Variants in DRC8 observed in about 807,000 individuals in gnomAD.
The protein encoded by DRC8 is dynein regulatory complex protein 8.
At chr1:244,970,578 G>C in the DRC8 span, 1 of 1,159,650 alleles carries the variant, frequency 8.6e-7, no homozygotes, top group Non-Finnish European at 1.2e-6. Flanking sequence ...CCTGAGGAGG[G>C]GGCCACCCGG....
At chr1:245,081,744 C>T in the DRC8 span, among the ~76,000 whole-genome samples, 10 of 152,208 alleles carry the variant, frequency 6.6e-5, no homozygotes, top group African/African-American at 2.4e-4. Flanking sequence ...GCTGGGATTA[C>T]AGGCGTGAGC....
the DRC8 span, among the ~76,000 whole-genome samples, chr1:245,059,955 G>A: frequency 6.6e-6 from 1 of 152,170 alleles, no homozygotes; most frequent in African/African-American, 2.4e-5. Flanking sequence ...TGGATGAGCA[G>A]CCCACGATGA....
At chr1:244,970,227 G>A in the DRC8 span, 1 of 754,850 alleles carries the variant, frequency 1.3e-6, no homozygotes, top group Non-Finnish European at 2.3e-6. Flanking sequence ...CGCGAGGGTC[G>A]TGGCGCGAAA....
At chr1:244,988,447 A>G in the DRC8 span, among the ~76,000 whole-genome samples, 1 of 152,224 alleles carries the variant, frequency 6.6e-6, no homozygotes, top group Non-Finnish European at 1.5e-5. Context: ...ACAACTAAAA[A>G]TAAGGTAAAT....
the DRC8 span, among the ~76,000 whole-genome samples, chr1:244,975,012 G>C: frequency 6.6e-6 from 1 of 151,750 alleles, no homozygotes; most frequent in Non-Finnish European, 1.5e-5. Context: ...CTCACTGCAA[G>C]CTCTGCCTCC....
At chr1:245,027,352 G>GAGGAA in the DRC8 span, among the ~76,000 whole-genome samples, 1 of 152,048 alleles carries the variant, frequency 6.6e-6, no homozygotes, top group Non-Finnish European at 1.5e-5. Flanking sequence ...AAGGAAGAAG[G>GAGGAA]AGGAAAGGAA....
At chr1:244,973,413 A>G in the DRC8 span, among the ~76,000 whole-genome samples, 1,866 of 152,338 alleles carry the variant, frequency 0.012, 40 homozygotes, top group African/African-American at 0.043. Context: ...TGTTGTGCAG[A>G]GTGCTTGGAA....
chr1:245,003,731 A>C, the DRC8 span, among the ~76,000 whole-genome samples: 2 of 152,128 alleles, frequency 1.3e-5, no homozygotes, highest in African/African-American at 2.4e-5. Flanking sequence ...CTGGGACTAC[A>C]GGCATGTGCC....
the DRC8 span, among the ~76,000 whole-genome samples, chr1:245,098,875 G>C: frequency 1.3e-5 from 2 of 152,212 alleles, no homozygotes; most frequent in Non-Finnish European, 1.5e-5. Flanking sequence ...CCCGTGTGGC[G>C]GCTGTCGAAA....
At chr1:245,118,755 G>A in the DRC8 span, among the ~76,000 whole-genome samples, 1 of 143,946 alleles carries the variant, frequency 6.9e-6, no homozygotes. Flanking sequence ...TCGCACCACT[G>A]CACTCCAGCC....
the DRC8 span, among the ~76,000 whole-genome samples, chr1:245,111,110 G>A: frequency 6.6e-6 from 1 of 152,180 alleles, no homozygotes; most frequent in African/African-American, 2.4e-5. Flanking sequence ...AAGCATGCAT[G>A]CTTTGCTGTT....
At chr1:245,099,803 A>T in the DRC8 span, among the ~76,000 whole-genome samples, 77,349 of 147,700 alleles carry the variant, frequency 0.52, 20,966 homozygotes, top group East Asian at 0.71. Context: ...GCAGAGAGGA[A>T]TCTCCCATTT....
chr1:244,980,040 T>TGAAAAAA, the DRC8 span, among the ~76,000 whole-genome samples: 1 of 34,758 alleles, frequency 2.9e-5, no homozygotes, highest in African/African-American at 1.4e-4. Context: ...CCGTCTCTAC[T>TGAAAAAA]AAAAAAAAAA....
the DRC8 span, among the ~76,000 whole-genome samples, chr1:245,009,746 C>T: frequency 2.6e-5 from 4 of 152,186 alleles, no homozygotes; most frequent in South Asian, 4.1e-4. Context: ...GGATTACAGG[C>T]GTGAGCCACT....
the DRC8 span, among the ~76,000 whole-genome samples, chr1:245,058,622 T>C: frequency 2.0e-5 from 3 of 152,358 alleles, no homozygotes; most frequent in South Asian, 6.2e-4. Flanking sequence ...TTAATTTTGA[T>C]AATTTTGAAT....
At chr1:245,079,587 T>C in the DRC8 span, among the ~76,000 whole-genome samples, 17 of 152,310 alleles carry the variant, frequency 1.1e-4, no homozygotes, top group African/African-American at 3.8e-4. Context: ...GACGGAATTA[T>C]AGAGTTGAAC....
the DRC8 span, among the ~76,000 whole-genome samples, chr1:244,985,875 A>C: frequency 6.6e-6 from 1 of 152,092 alleles, no homozygotes. Flanking sequence ...AAAAAAAAAA[A>C]AATACATAAT....
the DRC8 span, among the ~76,000 whole-genome samples, chr1:245,051,589 G>A: frequency 2.6e-5 from 4 of 152,134 alleles, no homozygotes; most frequent in African/African-American, 9.7e-5. Flanking sequence ...GCGCGGTGAG[G>A]CATGGGGTGG....
the DRC8 span, among the ~76,000 whole-genome samples, chr1:245,111,511 T>C: frequency 6.6e-6 from 1 of 152,218 alleles, no homozygotes; most frequent in Non-Finnish European, 1.5e-5. Context: ...GACGTGAATG[T>C]CTTTGACTCA....
Sources: gnomAD v4.1 joint callset for allele counts (sites outside exome capture counted in the v4.1 genomes callset) on GRCh38, gnomAD v4.1.1 for gene constraint, MANE v1.5 for transcripts, NCBI Gene and HGNC (gene_info 2026-07-23, HGNC 2026-07-21) for gene names.